GRB2: variants seen among roughly 807,000 people sequenced by gnomAD.
GRB2 encodes the protein growth factor receptor bound protein 2, also known as growth factor receptor-bound protein 2.
In GRB2, 2 loss-of-function variants were observed where a neutral mutation model predicts 27.4. The observed-to-expected ratio is 0.07, with a 90% confidence interval of 0.03 to 0.23. GRB2 has a LOEUF of 0.23. Ranked by LOEUF, GRB2 falls within the 10% of genes least tolerant of loss-of-function variation. The pLI is 1.00. For synonymous variants in GRB2, 94 were observed against 99.6 expected (o/e 0.94, Z 0.33); for missense variants, 102 against 282.4 (o/e 0.36, Z 4.58).
intron 2 of GRB2, among the ~76,000 whole-genome samples, chr17:75,355,720 C>T (rs971183476): frequency 2.0e-5 from 3 of 151,582 alleles, no homozygotes; most frequent in Non-Finnish European, 4.4e-5. Flanking sequence ...GGCTGTGGGG[C>T]TGGACAAGTT....
intron 2 of GRB2, among the ~76,000 whole-genome samples, chr17:75,340,928 G>C (rs1011149625): frequency 3.3e-5 from 5 of 152,146 alleles, no homozygotes; most frequent in African/African-American, 1.2e-4. Context: ...TGGTCCCACA[G>C]AAAGCTTGAA....
chr17:75,362,051 T>C (rs1044496496), intron 2 of GRB2, among the ~76,000 whole-genome samples: 6 of 152,102 alleles, frequency 3.9e-5, no homozygotes, highest in Admixed American at 1.3e-4. Flanking sequence ...TGTGCCATAA[T>C]AATCCTAAGA....
At position 75,352,625 on chromosome 17, in the gene GRB2, C is replaced by T. The variant is rs554020960; in HGVS notation, c.79-19828G>A. Among the ~76,000 whole-genome samples the T allele has an allele frequency of 5.3e-5, 8 of 152,260 alleles. No individual in the cohort carries two copies. The South Asian group carries it at 8.3e-4, about 16-fold the overall frequency. ...CAAGTAGTTTCCCAAAGGAGAAAAG[C>T]GATCAGACATATTATGTGACAACTA... On this transcript the variant is annotated intron_variant, in intron 2 of 5. Transcript: ENST00000316804.
In GRB2 at chr17:75,375,577, C is replaced by A. The variant is rs75362030; in HGVS notation, c.78+17974G>T. 5.4e-3 allele frequency among the ~76,000 whole-genome samples: 825 copies of A among 152,248 alleles called. 8 individuals carry two copies. The highest frequency in any genetic ancestry group is 0.019 in the African/African-American group (780 of 41,550). On this transcript the variant is annotated intron_variant, in intron 2 of 5. Transcript: ENST00000316804. ...TTAAAATCATACAAAGTATGTTCTA[C>A]AACTACAATGAAAATAGAAATCAGC...
intron 2 of GRB2, among the ~76,000 whole-genome samples, chr17:75,347,248 A>G (rs544996668): frequency 6.6e-6 from 1 of 152,186 alleles, no homozygotes; most frequent in African/African-American, 2.4e-5. Context: ...CCCCACCTCT[A>G]AGCCAAAGAC....
At chr17:75,333,120 G>A (rs1344276802) in intron 2 of GRB2, among the ~76,000 whole-genome samples, 2 of 151,990 alleles carry the variant, frequency 1.3e-5, no homozygotes, top group Admixed American at 1.3e-4. Context: ...CTGTCGCCCA[G>A]GCTGAAGTGC....
At chr17:75,384,545 C>CTA (rs2078949982) in intron 2 of GRB2, among the ~76,000 whole-genome samples, 1 of 152,082 alleles carries the variant, frequency 6.6e-6, no homozygotes, top group Admixed American at 6.6e-5. Flanking sequence ...TGGCACATGC[C>CTA]TATAATCCCA....
chr17:75,323,780 A>T (rs1298654385), intron 4 of GRB2, among the ~76,000 whole-genome samples: 1 of 151,246 alleles, frequency 6.6e-6, no homozygotes, highest in Non-Finnish European at 1.5e-5. Flanking sequence ...CTAAAGAAAG[A>T]CAGGTGTCAC....
intron 2 of GRB2, among the ~76,000 whole-genome samples, chr17:75,361,590 C>A (rs1179657739): frequency 6.6e-6 from 1 of 151,946 alleles, no homozygotes; most frequent in Non-Finnish European, 1.5e-5. Context: ...GCAAAAATAC[C>A]AAATATGGTA....
At chr17:75,347,321 C>T (rs1219012203) in intron 2 of GRB2, among the ~76,000 whole-genome samples, 1 of 152,178 alleles carries the variant, frequency 6.6e-6, no homozygotes, top group East Asian at 1.9e-4. Context: ...AACCCATCTT[C>T]CCATTTGGTA....
intron 2 of GRB2, among the ~76,000 whole-genome samples, chr17:75,344,851 C>G (rs2078644511): frequency 6.6e-6 from 1 of 150,992 alleles, no homozygotes; most frequent in Non-Finnish European, 1.5e-5. Flanking sequence ...CACACCCCCT[C>G]CCAACCCCCC....
intron 3 of GRB2, among the ~76,000 whole-genome samples, chr17:75,329,468 T>C (rs1484429541): frequency 6.6e-6 from 1 of 151,190 alleles, no homozygotes; most frequent in Non-Finnish European, 1.5e-5. Flanking sequence ...ATTAACGCAA[T>C]TTTATTTTCA....
chr17:75,343,265 A>G (rs1275710759), intron 2 of GRB2, among the ~76,000 whole-genome samples: 1 of 151,918 alleles, frequency 6.6e-6, no homozygotes, highest in African/African-American at 2.4e-5. Context: ...CTTGTGACAG[A>G]CTTTTGCAGG....
chr17:75,331,272 GGCAGA>G (rs1255048416), intron 3 of GRB2, among the ~76,000 whole-genome samples: 5 of 152,134 alleles, frequency 3.3e-5, no homozygotes, highest in Non-Finnish European at 7.4e-5. Flanking sequence ...CCACCCTTTG[GGCAGA>G]GTCTGCAAAT....
At chr17:75,393,897 G>A in intron 1 of GRB2, 132 bp from the exon 2 acceptor site, 1 of 464,874 alleles carries the variant, frequency 2.2e-6, no homozygotes, top group Non-Finnish European at 3.8e-6. Context: ...TCCCTTCCAG[G>A]CAACAGCCCC....
Position 75,388,419 on chromosome 17 carries a change from C to T in GRB2, c.78+5132G>A, listed in dbSNP as rs548047759. ...CGCCTGACCACAAACTAACCTCCTTCTTAAAGATTAAATGCAATATTCTGG... is the reference window on the plus strand; with the variant it reads ...CGCCTGACCACAAACTAACCTCCTTTTTAAAGATTAAATGCAATATTCTGG... On this transcript the variant is annotated intron_variant, in intron 2 of 5. Coordinates refer to ENST00000316804, the MANE Select transcript of GRB2 (RefSeq NM_002086.5). 6.6e-5 allele frequency among the ~76,000 whole-genome samples: 10 copies of T among 152,070 alleles called. No homozygotes were observed. In the South Asian group the frequency reaches 1.7e-3, roughly 25 times the overall value.
rs1359241313 is a variant in GRB2 at position 75,321,781 on chromosome 17, C to T, written c.346G>A (p.Gly116Arg). The T allele has an allele frequency of 6.2e-7, 1 of 1,614,088 alleles. No homozygotes were observed. Among genetic ancestry groups the T allele is most frequent in the Non-Finnish European group, 8.5e-7 (1 of 1,179,984 alleles). The change falls in exon 5 of 6, where the codon GGG becomes AGG. Residue 116 changes from glycine to arginine, a missense_variant. Physicochemically the swap from Gly to Arg is moderately radical, Grantham distance 125 (BLOSUM62 -2). Coordinates refer to ENST00000316804, the MANE Select transcript of GRB2 (RefSeq NM_002086.5). ...TTCACCACCCAGAGGAAGTACTTCC[C>T]GGCTCCATCTCGGAGCACCTTGAAG... The part of the protein sequence containing the change: ...QHFKVLRDGA[G>R]KYFLWVVKFN...
intron 1 of GRB2, among the ~76,000 whole-genome samples, chr17:75,404,376 G>A (rs551424978): frequency 1.3e-5 from 2 of 151,990 alleles, no homozygotes; most frequent in African/African-American, 4.8e-5. Context: ...GGAACGCAGG[G>A]GACGCGCAAA....
intron 2 of GRB2, among the ~76,000 whole-genome samples, chr17:75,377,598 A>G (rs959296303): frequency 1.3e-3 from 16 of 12,092 alleles, no homozygotes; most frequent in African/African-American, 1.5e-3. Flanking sequence ...CCTGTCTCAG[A>G]AAAAAAAAAA....
Sources: gnomAD v4.1 joint callset for allele counts (sites outside exome capture counted in the v4.1 genomes callset) on GRCh38, gnomAD v4.1.1 for gene constraint, MANE v1.5 for transcripts, NCBI Gene and HGNC (gene_info 2026-07-23, HGNC 2026-07-21) for gene names.